Variants in NUBPL observed in about 807,000 individuals in gnomAD.
The protein encoded by NUBPL is iron-sulfur cluster transfer protein NUBPL.
NUBPL carries 31 observed loss-of-function variants against 45.7 expected under a neutral mutation model. The observed-to-expected ratio is 0.68, with a 90% CI of 0.51 to 0.92. The LOEUF is 0.92. Among genes scored for constraint, NUBPL ranks in the 40% least tolerant of loss-of-function variants. The pLI is 0.00. For missense variants in NUBPL, 401 were observed against 398.7 expected (o/e 1.01, Z -0.05); for synonymous variants, 144 against 140.9 (o/e 1.02, Z -0.15).
chr14:31,636,090 C>T (rs543885046), intron 4 of NUBPL, among the ~76,000 whole-genome samples: 11 of 151,848 alleles, frequency 7.2e-5, no homozygotes, highest in South Asian at 2.1e-4. Flanking sequence ...ATTTCCTTCT[C>T]CTGCCTAATT....
chr14:31,652,468 C>T (rs917427754), intron 4 of NUBPL, among the ~76,000 whole-genome samples: 1 of 152,082 alleles, frequency 6.6e-6, no homozygotes, highest in Non-Finnish European at 1.5e-5. Context: ...AAAAAATTGA[C>T]AAGCTTATAT....
chr14:31,583,816 A>C (rs1325408074), intron 3 of NUBPL, among the ~76,000 whole-genome samples: 1 of 152,108 alleles, frequency 6.6e-6, no homozygotes, highest in Non-Finnish European at 1.5e-5. Context: ...AAGGAGGTAG[A>C]ATTGGTAGGT....
intron 6 of NUBPL, among the ~76,000 whole-genome samples, chr14:31,780,185 C>T (rs77276109): frequency 0.038 from 5,707 of 151,966 alleles, 248 homozygotes; most frequent in African/African-American, 0.11. Flanking sequence ...GCCTCAGTCT[C>T]CAGAGTAACT....
intron 8 of NUBPL, among the ~76,000 whole-genome samples, chr14:31,838,445 T>C (rs917818227): frequency 2.0e-5 from 3 of 152,288 alleles, no homozygotes; most frequent in Non-Finnish European, 2.9e-5. Flanking sequence ...AAATTACAGG[T>C]ACATAGTTTA....
intron 3 of NUBPL, among the ~76,000 whole-genome samples, chr14:31,580,415 G>C (rs1281367879): frequency 6.6e-6 from 1 of 152,138 alleles, no homozygotes; most frequent in Admixed American, 6.5e-5. Flanking sequence ...TTCAGGCCTG[G>C]ACTTTGAGAC....
intron 6 of NUBPL, among the ~76,000 whole-genome samples, chr14:31,767,058 A>T (rs1241813706): frequency 2.6e-5 from 4 of 152,208 alleles, no homozygotes; most frequent in Non-Finnish European, 5.9e-5. Flanking sequence ...AGAAGATAAA[A>T]GTGCCCCCCT....
At chr14:31,679,451 G>T (rs147626797) in intron 6 of NUBPL, among the ~76,000 whole-genome samples, 1 of 152,056 alleles carries the variant, frequency 6.6e-6, no homozygotes, top group Non-Finnish European at 1.5e-5. Context: ...TTTTATGTGT[G>T]AAATAAGGGT....
At chr14:31,632,415 A>T (rs1009880611) in intron 4 of NUBPL, among the ~76,000 whole-genome samples, 1 of 152,096 alleles carries the variant, frequency 6.6e-6, no homozygotes, top group Admixed American at 6.5e-5. Flanking sequence ...CTTCTTTCTG[A>T]TCTCCTGCTT....
At chr14:31,706,211 A>T (rs535496124) in intron 6 of NUBPL, among the ~76,000 whole-genome samples, 3 of 152,168 alleles carry the variant, frequency 2.0e-5, no homozygotes, top group Non-Finnish European at 4.4e-5. Context: ...TGACCACTCT[A>T]GCTACTTCCT....
intron 4 of NUBPL, among the ~76,000 whole-genome samples, chr14:31,633,033 C>A (rs73271265): frequency 0.15 from 22,510 of 152,212 alleles, 1,759 homozygotes; most frequent in African/African-American, 0.16. Context: ...CAGTGTGAGG[C>A]ATTCTTTGCT....
At chr14:31,782,723 T>TTGC (rs754546799) in intron 6 of NUBPL, among the ~76,000 whole-genome samples, 65 of 151,740 alleles carry the variant, frequency 4.3e-4, no homozygotes, top group Non-Finnish European at 6.9e-4. Flanking sequence ...GGAGACGAGG[T>TTGC]TGCAGTGAGC....
chr14:31,763,053 C>T (rs778127414), intron 6 of NUBPL, among the ~76,000 whole-genome samples: 11 of 152,220 alleles, frequency 7.2e-5, no homozygotes, highest in East Asian at 1.9e-4. Flanking sequence ...AGCTTCATCA[C>T]GGGTCTATGT....
intron 6 of NUBPL, among the ~76,000 whole-genome samples, chr14:31,735,839 G>A (rs867067576): frequency 1.3e-5 from 2 of 152,100 alleles, no homozygotes; most frequent in East Asian, 1.9e-4. Context: ...GCGACAGAGC[G>A]AGACTCTGTC....
intron 6 of NUBPL, among the ~76,000 whole-genome samples, chr14:31,758,065 A>G (rs1225091746): frequency 6.6e-6 from 1 of 152,070 alleles, no homozygotes; most frequent in African/African-American, 2.4e-5. Context: ...CATCACTATC[A>G]TCTTATCTTA....
Position 31,826,465 on chromosome 14 carries a change from A to G in NUBPL, c.608-164A>G, listed in dbSNP as rs1380147467. Among the ~76,000 whole-genome samples, 22 of 152,152 alleles carry G rather than the reference A, an allele frequency of 1.4e-4. 1 individual carries two copies. The highest frequency in any genetic ancestry group is 1.4e-3 in the Admixed American group (21 of 15,276). On this transcript the variant is annotated intron_variant, in intron 7 of 10. Coordinates refer to ENST00000281081, the MANE Select transcript of NUBPL (RefSeq NM_025152.3). ...GAGGATTCAAAGGTAGGCCAAAACA[A>G]AGTCGACATTTTCTTGTCTTTCTCA... is the stretch of plus-strand genomic sequence containing the variant.
chr14:31,765,627 G>C (rs1233856340), intron 6 of NUBPL, among the ~76,000 whole-genome samples: 1 of 49,020 alleles, frequency 2.0e-5, no homozygotes, highest in African/African-American at 6.2e-5. Flanking sequence ...ATTCATAAAA[G>C]CAACAGGTTT....
intron 6 of NUBPL, among the ~76,000 whole-genome samples, chr14:31,734,609 G>A (rs2139985221): frequency 6.6e-6 from 1 of 151,900 alleles, no homozygotes; most frequent in African/African-American, 2.4e-5. Context: ...TTCATTTTAA[G>A]TTTCTTCTAC....
chr14:31,712,943 G>A (rs536759154), intron 6 of NUBPL, among the ~76,000 whole-genome samples: 40 of 152,218 alleles, frequency 2.6e-4, no homozygotes, highest in Non-Finnish European at 1.2e-4. Flanking sequence ...ACTGGTTAAC[G>A]AGAAGCAGGT....
chr14:31,594,613 A>G (rs111838392), intron 3 of NUBPL, among the ~76,000 whole-genome samples: 1,617 of 151,712 alleles, frequency 0.011, 23 homozygotes, highest in African/African-American at 0.037. Flanking sequence ...GAACTTGAAG[A>G]TTTAGACAGT....
Sources: gnomAD v4.1 joint callset for allele counts (sites outside exome capture counted in the v4.1 genomes callset) on GRCh38, gnomAD v4.1.1 for gene constraint, MANE v1.5 for transcripts, NCBI Gene and HGNC (gene_info 2026-07-23, HGNC 2026-07-21) for gene names.